The following GPR180 variants were observed in gnomAD, a reference collection of about 807,000 sequenced individuals.
The protein encoded by GPR180 is integral membrane protein GPR180.
In GPR180, 53 loss-of-function variants were observed where a neutral mutation model predicts 52.6. The observed-to-expected ratio is 1.01, with a 90% CI of 0.81 to 1.27. The LOEUF (loss-of-function observed/expected upper bound fraction) is 1.27, where lower values mean the gene tolerates loss of function less well. Ranked by LOEUF, GPR180 falls within the 50% of genes most tolerant of loss-of-function variation. The probability of loss-of-function intolerance (pLI) is 0.00; values close to 1 mark genes in which losing one functional copy is unlikely to be tolerated. For synonymous variants in GPR180, 200 were observed against 193.1 expected (o/e 1.04, Z -0.30); for missense variants, 533 against 527.0 (o/e 1.01, Z -0.11).
In GPR180 at chr13:94,631,250, C is replaced by T. The variant is rs1022126197; in HGVS notation, c.*4079C>T. ...CCAGTCCATCCTCACAAGTTCCACT[C>T]AGTTCCCACAGGTTCTACTCATCCT... On this transcript the variant is annotated 3_prime_UTR_variant, in exon 9 of 9. Transcript: ENST00000376958. The T allele has an allele frequency of 1.3e-5, 2 of 152,220 alleles. No individual in the cohort carries two copies. The highest frequency in any genetic ancestry group is 4.8e-5 in the African/African-American group (2 of 41,452). 9.4% of individuals were successfully genotyped at this position (152,220 alleles called of 1,614,324 possible).
rs1889976934 is a variant in GPR180, at chr13:94,630,242, G to A, written c.*3071G>A. ...AAGTAATATTACCATGTCCACACTT[G>A]GGCAGCCTTCTGCACAGCTCCAGGG... On this transcript the variant is annotated 3_prime_UTR_variant, in exon 9 of 9. Coordinates refer to ENST00000376958, the MANE Select transcript of GPR180 (RefSeq NM_180989.6). 6.6e-6 allele frequency: 1 copy of A among 152,126 alleles called. No homozygotes were observed. Among genetic ancestry groups the A allele is most frequent in the Non-Finnish European group, 1.5e-5 (1 of 68,038 alleles). The allele number at this position is 152,126 out of a possible 1,614,324, so 9.4% of individuals were successfully genotyped here.
chr13:94,624,486 A>C (rs114065734), intron 7 of GPR180, among the ~76,000 whole-genome samples: 5,235 of 152,290 alleles, frequency 0.034, 319 homozygotes, highest in African/African-American at 0.12. Flanking sequence ...TTTCAGAGGG[A>C]CAGTAGTGCT....
rs1889943632 is a variant in GPR180, at chr13:94,627,525, G to A, written c.*354G>A. ...CTCAGGTTTAATAGTCTTATAAAAA[G>A]TAATCAGTTAAATGATTACTTGCTT... On this transcript the variant is annotated 3_prime_UTR_variant, in exon 9 of 9. Coordinates refer to ENST00000376958, the MANE Select transcript of GPR180 (RefSeq NM_180989.6). The A allele has an allele frequency of 4.6e-6, 1 of 216,164 alleles. No individual in the cohort carries two copies. Among genetic ancestry groups the A allele is most frequent in the Non-Finnish European group, 9.0e-6 (1 of 111,086 alleles). 13.4% of individuals were successfully genotyped at this position (216,164 alleles called of 1,614,324 possible).
At chr13:94,611,891 A>G (rs977371664) in intron 2 of GPR180, among the ~76,000 whole-genome samples, 3 of 64,878 alleles carry the variant, frequency 4.6e-5, no homozygotes, top group African/African-American at 4.1e-4. Flanking sequence ...ACCAAAAAGA[A>G]AAAAAAAAAA....
At chr13:94,612,411 A>C (rs1889719849) in intron 3 of GPR180, 21 bp downstream of exon 3, 2 of 1,493,962 alleles carry the variant, frequency 1.3e-6, no homozygotes. Flanking sequence ...GTATTTGAAT[A>C]TATCCTAAAT....
chr13:94,626,189 C>T, intron 8 of GPR180, 146 bp downstream of exon 8: 1 of 489,284 alleles, frequency 2.0e-6, no homozygotes, highest in Non-Finnish European at 3.6e-6. Flanking sequence ...AACCAATAAG[C>T]AGATAAATTT....
rs1157338540 is a variant in GPR180, at chr13:94,628,733, A to G, written c.*1562A>G. ...CATTAGAGCTACAGGTTAAGACTAGAAAGTCTGAGTTATGTTTTAGGTATA... is the reference window on the plus strand; with the variant it reads ...CATTAGAGCTACAGGTTAAGACTAGGAAGTCTGAGTTATGTTTTAGGTATA... On this transcript the variant is annotated 3_prime_UTR_variant, in exon 9 of 9. Transcript: ENST00000376958. 2 of 152,080 alleles carry G rather than the reference A, an allele frequency of 1.3e-5. No homozygotes were observed. The highest frequency in any genetic ancestry group is 1.9e-4 in the East Asian group (1 of 5,188). The allele number at this position is 152,080 out of a possible 1,614,324, so 9.4% of individuals were successfully genotyped here.
chr13:94,618,420 A>ATTTTTTTGTTTTTTTTTTTTTTTTT (rs1889806270), intron 3 of GPR180, among the ~76,000 whole-genome samples: 2 of 87,156 alleles, frequency 2.3e-5, no homozygotes, highest in Non-Finnish European at 4.1e-5. Context: ...TCAGCACAGG[A>ATTTTTTTGTTTTTTTTTTTTTTTTT]TTTTTTTTTT....
chr13:94,617,295 AG>A (rs1220316608), intron 3 of GPR180, among the ~76,000 whole-genome samples: 1 of 152,192 alleles, frequency 6.6e-6, no homozygotes, highest in African/African-American at 2.4e-5. Context: ...AATACTAAGA[AG>A]GAAAGATAAA....
intron 2 of GPR180, among the ~76,000 whole-genome samples, chr13:94,609,718 G>GTCTTTGCT (rs1298443135): frequency 6.7e-6 from 1 of 150,194 alleles, no homozygotes; most frequent in African/African-American, 2.4e-5. Flanking sequence ...AGAAACTAGA[G>GTCTTTGCT]TCTTTGCTAC....
chr13:94,613,401 T>C (rs983089719), intron 3 of GPR180, among the ~76,000 whole-genome samples: 1 of 152,180 alleles, frequency 6.6e-6, no homozygotes, highest in Non-Finnish European at 1.5e-5. Context: ...TTTAAAAATA[T>C]CCTTTGTTTG....
At chr13:94,606,358 G>A (rs112336491) in intron 2 of GPR180, among the ~76,000 whole-genome samples, 288 of 152,316 alleles carry the variant, frequency 1.9e-3, no homozygotes, top group Non-Finnish European at 2.6e-3. Flanking sequence ...TTTGCCTCTA[G>A]AGAGGCTGTA....
At chr13:94,622,873 C>G (rs1167351743) in intron 6 of GPR180, among the ~76,000 whole-genome samples, 1 of 152,196 alleles carries the variant, frequency 6.6e-6, no homozygotes, top group Non-Finnish European at 1.5e-5. Context: ...CTGTGCCCGG[C>G]AGCAATAGAA....
rs996366412 is a variant in GPR180 at position 94,621,242 on chromosome 13, A to G, written c.894+7A>G. 3 of 1,572,092 alleles carry G rather than the reference A, an allele frequency of 1.9e-6. No homozygotes were observed. The highest frequency in any genetic ancestry group is 2.0e-5 in the Admixed American group (1 of 49,306). ...ATTCATTGTCATGACACAGGTGGGT[A>G]TTGATACTCAGTGTTTCTGCTTAGT... On this transcript the variant is annotated splice_region_variant and intron_variant, in intron 6 of 8. Transcript: ENST00000376958.
rs150827541 is a variant in GPR180 at position 94,624,519 on chromosome 13, T to C, written c.1086+1219T>C. 3.3e-5 allele frequency among the ~76,000 whole-genome samples: 5 copies of C among 152,320 alleles called. No homozygotes were observed. In the East Asian group the frequency reaches 7.7e-4, roughly 24 times the overall value. On this transcript the variant is annotated intron_variant, in intron 7 of 8. Transcript: ENST00000376958. ...GCTTATTGTTTGATAAGTTAATATG[T>C]ATTTGAGGTGTTTAGGCATTAAGTT...
chr13:94,619,256 G>T lies in GPR180; in HGVS notation c.612G>T (p.Met204Ile). 6.2e-7 allele frequency: 1 copy of T among 1,614,124 alleles called. No homozygotes were observed. Among genetic ancestry groups the T allele is most frequent in the Non-Finnish European group, 8.5e-7 (1 of 1,180,012 alleles). Residue 204 changes from methionine (M) to isoleucine (I), a missense_variant, in exon 4 of 9, where the codon ATG becomes ATT. Met to Ile is a conservative substitution (Grantham distance 10). Transcript: ENST00000376958. ...QAIKKGGPMH[M>I]ILKVLTTALL... Reference sequence around the variant, plus strand: ...TTAAGAAAGGCGGACCCATGCACATGATTTTAAAGGTTCTGACAACTGCAT... The same window carrying T: ...TTAAGAAAGGCGGACCCATGCACATTATTTTAAAGGTTCTGACAACTGCAT...
intron 2 of GPR180, among the ~76,000 whole-genome samples, chr13:94,609,162 T>C (rs1249063422): frequency 6.6e-6 from 1 of 152,228 alleles, no homozygotes; most frequent in Non-Finnish European, 1.5e-5. Flanking sequence ...TGTAGTTTGG[T>C]ATATTTTATA....
chr13:94,628,230 T>A lies in GPR180; in HGVS notation c.*1059T>A, dbSNP rs1227652528. ...ATCCTTTGTAATAAAGCCATACTTT[T>A]GTGTGTGTGTGTGATGCCCCAGTAT... On this transcript the variant is annotated 3_prime_UTR_variant, in exon 9 of 9. Transcript: ENST00000376958. The A allele has an allele frequency of 2.0e-5, 3 of 151,500 alleles. No individual in the cohort carries two copies. The highest frequency in any genetic ancestry group is 7.3e-5 in the African/African-American group (3 of 41,014). The allele number at this position is 151,500 out of a possible 1,614,324, so 9.4% of individuals were successfully genotyped here.
intron 5 of GPR180, among the ~76,000 whole-genome samples, chr13:94,620,544 G>A (rs1355991388): frequency 6.6e-6 from 1 of 152,128 alleles, no homozygotes; most frequent in Admixed American, 6.5e-5. Flanking sequence ...TCAGGATTCT[G>A]AAAGTAAAGC....
Sources: allele counts gnomAD v4.1 joint callset (sites outside exome capture counted in the v4.1 genomes callset), GRCh38; gene constraint gnomAD v4.1.1; transcripts MANE v1.5; gene names NCBI Gene and HGNC (gene_info 2026-07-23, HGNC 2026-07-21).